The following FBP1 variants were observed in gnomAD, a reference collection of about 807,000 sequenced individuals.
FBP1 encodes fructose-bisphosphatase 1.
A neutral mutation model predicts 29.9 loss-of-function variants in FBP1; 22 were observed. The ratio of observed to expected loss-of-function variants is 0.74; its 90% confidence interval spans 0.53 to 1.05. The LOEUF (loss-of-function observed/expected upper bound fraction) is 1.05. Among genes scored for constraint, FBP1 ranks in the 50% least tolerant of loss-of-function variants. The probability of loss-of-function intolerance (pLI) is 0.00; values close to 1 mark genes in which losing one functional copy is unlikely to be tolerated. For synonymous variants in FBP1, 175 were observed against 178.6 expected, an observed-to-expected ratio of 0.98 and a Z score of 0.16; for missense variants, 345 against 448.2, an observed-to-expected ratio of 0.77 and a Z score of 2.08.
At chr9:94,636,349 A>G (rs898493294) in intron 1 of FBP1, among the ~76,000 whole-genome samples, 1 of 152,016 alleles carries the variant, frequency 6.6e-6, no homozygotes, top group African/African-American at 2.4e-5. Flanking sequence ...ATGGTGGCAC[A>G]TGCCTGTAGT....
intron 2 of FBP1, among the ~76,000 whole-genome samples, 159 bp downstream of exon 2, chr9:94,620,170 G>A (rs1104796): frequency 5.0e-4 from 76 of 152,336 alleles, no homozygotes; most frequent in Middle Eastern, 6.8e-3. Flanking sequence ...GGGAGGATTC[G>A]AGAGATGGCA....
intron 1 of FBP1, among the ~76,000 whole-genome samples, chr9:94,627,038 C>T (rs1437559632): frequency 1.3e-5 from 2 of 152,024 alleles, no homozygotes; most frequent in Non-Finnish European, 2.9e-5. Flanking sequence ...AAAATACAAA[C>T]TTAGCTGGGT....
chr9:94,638,531 T>C (rs532909474), intron 1 of FBP1, among the ~76,000 whole-genome samples: 1 of 150,816 alleles, frequency 6.6e-6, no homozygotes, highest in East Asian at 2.0e-4. Context: ...ATGGCAACTG[T>C]CCCAGCAAGG....
At chr9:94,621,081 G>A (rs972935867) in intron 1 of FBP1, among the ~76,000 whole-genome samples, 4 of 152,160 alleles carry the variant, frequency 2.6e-5, no homozygotes, top group African/African-American at 9.6e-5. Flanking sequence ...GGGTGTGGTG[G>A]TGGGTGCCTG....
At position 94,605,505 on chromosome 9, in the gene FBP1, G is replaced by A. The variant is rs1435646320; in HGVS notation, c.777C>T (p.Tyr259=). The change falls in exon 6 of 7, where the codon TAC becomes TAT. Residue 259 remains tyrosine, a synonymous_variant. Transcript: ENST00000375326. ...MVADVHRTLV[Y]GGIFLYPANK... is the part of the protein sequence containing the mutation. Reference sequence around the variant, plus strand: ...TAGCGGGGTACAGAAATATCCCTCCGTAGACCAGAGTGCGATGAACATCAG... The same window carrying A: ...TAGCGGGGTACAGAAATATCCCTCCATAGACCAGAGTGCGATGAACATCAG... The A allele has an allele frequency of 5.0e-6, 8 of 1,613,724 alleles. No individual in the cohort carries two copies. Among genetic ancestry groups the A allele is most frequent in the Admixed American group, 1.7e-5 (1 of 59,986 alleles).
chr9:94,639,322 G>C lies in FBP1; in HGVS notation c.-12C>G, dbSNP rs1207191832. On this transcript the variant is annotated 5_prime_UTR_variant, in exon 1 of 7. Coordinates refer to ENST00000375326, the MANE Select transcript of FBP1 (RefSeq NM_000507.4). ...GCCTGGTCAGCCATGCTTGAACCGG[G>C]TAGAGCGCGGGGCTGCAGGTGCAAG... is the stretch of plus-strand genomic sequence containing the variant. 4 of 1,603,696 alleles carry C rather than the reference G, an allele frequency of 2.5e-6. No homozygotes were observed. Among genetic ancestry groups the C allele is most frequent in the Non-Finnish European group, 3.4e-6 (4 of 1,175,366 alleles).
chr9:94,636,881 G>T (rs1480675309), intron 1 of FBP1, among the ~76,000 whole-genome samples: 1 of 152,082 alleles, frequency 6.6e-6, no homozygotes, highest in South Asian at 2.1e-4. Flanking sequence ...TAGAGACAGG[G>T]TTTCACCATG....
chr9:94,604,840 A>G (rs1827673441), intron 6 of FBP1, among the ~76,000 whole-genome samples: 1 of 152,174 alleles, frequency 6.6e-6, no homozygotes, highest in African/African-American at 2.4e-5. Flanking sequence ...GGAAGGAAGC[A>G]CACTGTCACC....
chr9:94,610,155 C>T lies in FBP1; in HGVS notation c.427-94G>A, dbSNP rs1018120467. 2.3e-6 allele frequency: 3 copies of T among 1,302,660 alleles called. No homozygotes were observed. The African/African-American group carries it at 4.4e-5, about 19-fold the overall frequency. 80.7% of individuals were successfully genotyped at this position (1,302,660 alleles called of 1,614,324 possible). On this transcript the variant is annotated intron_variant, in intron 3 of 6. Transcript: ENST00000375326. ...TAACAGGAGGCATTCTCAAGGTGCTCTTCTAATGAAATAGGGCATCTTCCC... is the reference window on the plus strand; with the variant it reads ...TAACAGGAGGCATTCTCAAGGTGCTTTTCTAATGAAATAGGGCATCTTCCC...
chr9:94,610,885 A>G (rs1050831432), intron 3 of FBP1, among the ~76,000 whole-genome samples: 5 of 134,958 alleles, frequency 3.7e-5, no homozygotes, highest in Admixed American at 8.0e-5. Context: ...TTTTTTTGAC[A>G]CGGAGTCTCG....
intron 3 of FBP1, among the ~76,000 whole-genome samples, chr9:94,615,378 A>G (rs1827848418): frequency 6.6e-6 from 1 of 151,946 alleles, no homozygotes; most frequent in African/African-American, 2.4e-5. Context: ...TTTTCCTTAA[A>G]AAGTATTATT....
chr9:94,624,390 C>G (rs1027852900), intron 1 of FBP1, among the ~76,000 whole-genome samples: 41 of 133,770 alleles, frequency 3.1e-4, no homozygotes, highest in Non-Finnish European at 5.1e-4. Context: ...CGGTGGCTCA[C>G]GCCTGTAATC....
intron 5 of FBP1, 48 bp downstream of exon 5, chr9:94,606,767 G>C (rs1366942995): frequency 1.3e-6 from 2 of 1,593,600 alleles, no homozygotes; most frequent in East Asian, 4.5e-5. Context: ...ACGGCCTCTG[G>C]TGCCAGATGC....
chr9:94,623,046 G>A (rs572582532), intron 1 of FBP1, among the ~76,000 whole-genome samples: 6 of 152,094 alleles, frequency 3.9e-5, no homozygotes, highest in East Asian at 3.9e-4. Context: ...GTGCAGTTGC[G>A]TGATCTCGGC....
intron 3 of FBP1, among the ~76,000 whole-genome samples, chr9:94,613,229 G>A (rs775098943): frequency 2.6e-5 from 4 of 152,182 alleles, no homozygotes; most frequent in Non-Finnish European, 5.9e-5. Flanking sequence ...GATCAGGCTA[G>A]AGAGAAGTCT....
chr9:94,616,510 G>A (rs1015769969), intron 3 of FBP1, among the ~76,000 whole-genome samples: 5 of 140,704 alleles, frequency 3.6e-5, no homozygotes, highest in Admixed American at 7.0e-5. Context: ...GTGTGATCTC[G>A]GCTCACTGCA....
chr9:94,613,931 A>C (rs569782236), intron 3 of FBP1, among the ~76,000 whole-genome samples: 1 of 149,902 alleles, frequency 6.7e-6, no homozygotes, highest in Non-Finnish European at 1.5e-5. Flanking sequence ...TACAAAAAAA[A>C]TTAGCCAAGC....
At chr9:94,616,933 T>TC (rs397763343) in intron 3 of FBP1, among the ~76,000 whole-genome samples, 117 of 151,512 alleles carry the variant, frequency 7.7e-4, no homozygotes, top group African/African-American at 1.8e-3. Flanking sequence ...TCTCTCTCTC[T>TC]TTCTCTCTCT....
intron 1 of FBP1, among the ~76,000 whole-genome samples, chr9:94,638,268 C>G (rs1455831754): frequency 6.6e-6 from 1 of 152,134 alleles, no homozygotes; most frequent in Non-Finnish European, 1.5e-5. Context: ...GCAGCACCCA[C>G]CACAGGAGAA....
Sources: allele counts gnomAD v4.1 joint callset (sites outside exome capture counted in the v4.1 genomes callset), GRCh38; gene constraint gnomAD v4.1.1; transcripts MANE v1.5; gene names NCBI Gene and HGNC (gene_info 2026-07-23, HGNC 2026-07-21).